The following PACSIN1 variants were observed in gnomAD, a reference collection of about 807,000 sequenced individuals.
PACSIN1 encodes protein kinase C and casein kinase substrate in neurons 1.
A neutral mutation model predicts 59.5 loss-of-function variants in PACSIN1; 15 were observed. That is an observed-to-expected ratio of 0.25 (90% CI 0.17 to 0.39). The LOEUF (loss-of-function observed/expected upper bound fraction) is 0.39. Ranked by LOEUF, PACSIN1 falls within the 10% of genes least tolerant of loss-of-function variation. PACSIN1 has a pLI of 1.00. For missense variants in PACSIN1, 420 were observed against 580.2 expected (o/e 0.72, Z 2.84); for synonymous variants, 210 against 220.6 (o/e 0.95, Z 0.42).
chr6:34,508,927 A>C (rs956962755), intron 1 of PACSIN1, among the ~76,000 whole-genome samples: 9 of 152,100 alleles, frequency 5.9e-5, no homozygotes, highest in Admixed American at 2.0e-4. Context: ...CCCTTGTTAG[A>C]TATGTGGTTT....
chr6:34,495,247 C>T (rs886649475), intron 1 of PACSIN1, among the ~76,000 whole-genome samples: 1 of 152,138 alleles, frequency 6.6e-6, no homozygotes, highest in African/African-American at 2.4e-5. Context: ...GCAAAAGGAG[C>T]TTTTGGTTGT....
intron 1 of PACSIN1, among the ~76,000 whole-genome samples, chr6:34,523,297 T>C (rs1354975874): frequency 6.6e-6 from 1 of 152,220 alleles, no homozygotes; most frequent in East Asian, 1.9e-4. Flanking sequence ...CCTTAAATCA[T>C]AAGATCACAC....
At position 34,525,034 on chromosome 6, in the gene PACSIN1, C is replaced by T. The variant is rs1767458664; in HGVS notation, c.-63-1209C>T. On this transcript the variant is annotated intron_variant, in intron 1 of 9. Transcript: ENST00000244458. The surrounding 1 kb of genome is among the most constrained non-coding windows in gnomAD (Gnocchi z 4.9). ...TTAAACATCCCTGCTTTTCACTTCT[C>T]TGTATCTAAATTTAAAACGTTCCTT... is the stretch of plus-strand genomic sequence containing the variant. 6.6e-6 allele frequency among the ~76,000 whole-genome samples: 1 copy of T among 152,220 alleles called. No individual in the cohort carries two copies. Among genetic ancestry groups the T allele is most frequent in the South Asian group, 2.1e-4 (1 of 4,832 alleles).
chr6:34,501,354 A>G (rs1273060667), intron 1 of PACSIN1, among the ~76,000 whole-genome samples: 1 of 152,200 alleles, frequency 6.6e-6, no homozygotes, highest in African/African-American at 2.4e-5. Flanking sequence ...CATGGTGGTG[A>G]AGGGGTTAGA....
intron 1 of PACSIN1, among the ~76,000 whole-genome samples, chr6:34,519,115 G>A (rs1160605015): frequency 3.9e-5 from 6 of 152,136 alleles, no homozygotes; most frequent in Admixed American, 6.5e-5. Flanking sequence ...TAGGGAGGAG[G>A]AGGGGCCAGC....
rs116524588 is a variant in PACSIN1 at position 34,506,931 on chromosome 6, G to A, written c.-63-19312G>A. Among the ~76,000 whole-genome samples, 689 of 152,208 alleles carry A rather than the reference G, an allele frequency of 4.5e-3. 4 individuals carry two copies. Among genetic ancestry groups the A allele is most frequent in the African/African-American group, 0.016 (647 of 41,530 alleles). Reference sequence around the variant, plus strand: ...TGTCACCCTGGCGGTGGGGGATGGGGCTCCTAGTTACGGCCAGGCAAGGCT... The same window carrying A: ...TGTCACCCTGGCGGTGGGGGATGGGACTCCTAGTTACGGCCAGGCAAGGCT... On this transcript the variant is annotated intron_variant, in intron 1 of 9. Transcript: ENST00000244458.
Position 34,527,472 on chromosome 6 carries a change from C to T in PACSIN1, c.204C>T (p.Arg68=). 1 of 1,593,048 alleles carries T rather than the reference C, an allele frequency of 6.3e-7. No individual in the cohort carries two copies. Among genetic ancestry groups the T allele is most frequent in the East Asian group, 2.3e-5 (1 of 43,608 alleles). Residue 68 remains arginine, a synonymous_variant, in exon 3 of 10, where the codon CGC becomes CGT. Transcript: ENST00000244458. ...QQLTDWAKRW[R]QLIEKGPQYG... is the part of the protein sequence containing the mutation. The stretch of plus-strand genomic sequence containing the variant: ...TCACCGACTGGGCCAAGCGTTGGCG[C>T]CAGCTCATCGAGAAAGGTGCTCCCC...
intron 1 of PACSIN1, among the ~76,000 whole-genome samples, chr6:34,506,551 G>A (rs1363016607): frequency 1.3e-5 from 2 of 152,218 alleles, no homozygotes; most frequent in Non-Finnish European, 2.9e-5. Context: ...GACACTTGGG[G>A]TATTATGTTA....
chr6:34,495,768 T>C (rs1265191046), intron 1 of PACSIN1, among the ~76,000 whole-genome samples: 1 of 152,188 alleles, frequency 6.6e-6, no homozygotes, highest in East Asian at 1.9e-4. Context: ...TGTGTATTTT[T>C]TAAAGGATAT....
Position 34,518,247 on chromosome 6 carries a change from C to G in PACSIN1, c.-63-7996C>G, listed in dbSNP as rs1306211559. Among the ~76,000 whole-genome samples, 1 of 152,232 alleles carries G rather than the reference C, an allele frequency of 6.6e-6. No individual in the cohort carries two copies. Among genetic ancestry groups the G allele is most frequent in the Non-Finnish European group, 1.5e-5 (1 of 68,036 alleles). ...ACTCATCCTTGAGTTCCCTGTGTTG[C>G]AAAAACGTGCTGCGCACTCCCACCA... On this transcript the variant is annotated intron_variant, in intron 1 of 9. Transcript: ENST00000244458. This position sits in a 1 kb window ranked among gnomAD's most constrained non-coding sequence, Gnocchi z 4.4.
chr6:34,496,397 G>A (rs1416554706), intron 1 of PACSIN1, among the ~76,000 whole-genome samples: 7 of 152,168 alleles, frequency 4.6e-5, no homozygotes, highest in African/African-American at 1.7e-4. Flanking sequence ...GGGGGGTGGG[G>A]GCTGAGGTCT....
intron 1 of PACSIN1, among the ~76,000 whole-genome samples, chr6:34,480,126 A>T (rs117603333): frequency 0.011 from 1,687 of 150,230 alleles, 44 homozygotes; most frequent in East Asian, 0.097. Flanking sequence ...ACTCCTGGCA[A>T]CTAAAGTTTG....
chr6:34,495,600 G>A lies in PACSIN1; in HGVS notation c.-64+29330G>A, dbSNP rs535703334. Among the ~76,000 whole-genome samples the A allele has an allele frequency of 4.5e-4, 69 of 152,062 alleles. 2 individuals are homozygous for A. Among genetic ancestry groups the A allele is most frequent in the Admixed American group, 2.4e-3 (37 of 15,278 alleles). ...CCTGAGTAGCTGGGATTACAGGCGC[G>A]CGCCACCACACCCAGCTAATTTTTG... On this transcript the variant is annotated intron_variant, in intron 1 of 9. Transcript: ENST00000244458.
chr6:34,524,683 G>T (rs1767453340), intron 1 of PACSIN1, among the ~76,000 whole-genome samples: 2 of 152,246 alleles, frequency 1.3e-5, no homozygotes, highest in African/African-American at 2.4e-5. Flanking sequence ...AAGTAGTACT[G>T]TAGTAAATAA....
In PACSIN1 at chr6:34,530,197, C is replaced by G. The variant is rs1381361693; in HGVS notation, c.789-46C>G. 2 of 1,571,318 alleles carry G rather than the reference C, an allele frequency of 1.3e-6. No homozygotes were observed. On this transcript the variant is annotated intron_variant, in intron 6 of 9. Transcript: ENST00000244458. The surrounding 1 kb of genome is among the most constrained non-coding windows in gnomAD (Gnocchi z 4.4). ...CCTCTCACCAAGGTTGAGGAGGGGC[C>G]ATGTTGAATCTGTGCCCTCCACCTC...
At chr6:34,497,524 C>T (rs1261313435) in intron 1 of PACSIN1, among the ~76,000 whole-genome samples, 1 of 152,162 alleles carries the variant, frequency 6.6e-6, no homozygotes, top group African/African-American at 2.4e-5. Flanking sequence ...CTCGCAGGCT[C>T]ACCTTGAGCT....
intron 1 of PACSIN1, among the ~76,000 whole-genome samples, chr6:34,492,195 C>CTTTTT (rs55745060): frequency 6.5e-4 from 52 of 80,174 alleles, no homozygotes; most frequent in African/African-American, 1.7e-3. Flanking sequence ...CTTTTTTGAC[C>CTTTTT]TTTTTTTTTT....
At chr6:34,486,827 G>C (rs943387026) in intron 1 of PACSIN1, among the ~76,000 whole-genome samples, 1 of 151,420 alleles carries the variant, frequency 6.6e-6, no homozygotes, top group Non-Finnish European at 1.5e-5. Context: ...CTGGACCCTG[G>C]CTGCACATTA....
intron 1 of PACSIN1, among the ~76,000 whole-genome samples, chr6:34,487,004 CAAAAA>C (rs3042080): frequency 1.5e-5 from 2 of 133,948 alleles, no homozygotes; most frequent in African/African-American, 5.6e-5. Flanking sequence ...CCATCTCTAC[CAAAAA>C]AAAAAAAAAA....
Sources: gnomAD v4.1 joint callset for allele counts (sites outside exome capture counted in the v4.1 genomes callset) on GRCh38, gnomAD v4.1.1 for gene constraint, Gnocchi (gnomAD v3.1) non-coding constraint, MANE v1.5 for transcripts, NCBI Gene and HGNC (gene_info 2026-07-23, HGNC 2026-07-21) for gene names.